LRRC40: variants seen among roughly 807,000 people sequenced by gnomAD.
LRRC40 encodes leucine-rich repeat-containing protein 40.
LRRC40 carries 76 observed loss-of-function variants against 72.8 expected under a neutral mutation model. The ratio of observed to expected loss-of-function variants is 1.04; its 90% CI spans 0.87 to 1.26. The LOEUF (loss-of-function observed/expected upper bound fraction) is 1.26, where lower values mean the gene tolerates loss of function less well. LRRC40 is among the 50% of genes most tolerant of loss of function. The pLI is 0.00. For missense variants in LRRC40, 684 were observed against 698.9 expected (o/e 0.98, Z 0.24); for synonymous variants, 243 against 254.2 (o/e 0.96, Z 0.42).
At chr1:70,204,620 G>T (rs74088012) in intron 1 of LRRC40, among the ~76,000 whole-genome samples, 1 of 152,000 alleles carries the variant, frequency 6.6e-6, no homozygotes, top group Admixed American at 6.6e-5. Context: ...GCAATCATTA[G>T]AAGGAAAATG....
intron 1 of LRRC40, among the ~76,000 whole-genome samples, chr1:70,192,348 C>G (rs1034150240): frequency 1.3e-5 from 2 of 151,778 alleles, no homozygotes; most frequent in African/African-American, 4.8e-5. Context: ...AAAAGGGAAC[C>G]CTTAAACACT....
At chr1:70,198,913 G>T (rs752216992) in intron 1 of LRRC40, among the ~76,000 whole-genome samples, 2 of 152,130 alleles carry the variant, frequency 1.3e-5, no homozygotes, top group African/African-American at 2.4e-5. Context: ...CACTTTGGGA[G>T]GGTGAGTTGG....
At chr1:70,164,833 AAAC>A (rs1667844862) in intron 9 of LRRC40, among the ~76,000 whole-genome samples, 1 of 152,256 alleles carries the variant, frequency 6.6e-6, no homozygotes, top group Admixed American at 6.5e-5. Flanking sequence ...TAAACAATAA[AAAC>A]AAATTTTTAA....
chr1:70,202,371 G>C (rs1668761381), intron 1 of LRRC40, among the ~76,000 whole-genome samples: 1 of 151,952 alleles, frequency 6.6e-6, no homozygotes, highest in African/African-American at 2.4e-5. Flanking sequence ...AAAAGATTAA[G>C]TCATCAAAAA....
chr1:70,184,412 T>A (rs150146489), intron 4 of LRRC40, among the ~76,000 whole-genome samples: 1 of 152,054 alleles, frequency 6.6e-6, no homozygotes, highest in Admixed American at 6.5e-5. Context: ...ACCTGGACAT[T>A]TGGAAGGCAG....
chr1:70,154,379 G>A (rs1304155562), intron 11 of LRRC40, among the ~76,000 whole-genome samples: 2 of 152,118 alleles, frequency 1.3e-5, no homozygotes, highest in East Asian at 3.9e-4. Context: ...ATAAAATGAG[G>A]CAGTAAATAA....
In LRRC40 at chr1:70,145,890, A is replaced by C. The variant is rs765466801; in HGVS notation, c.1719T>G (p.Asp573Glu). ...CTCGAGGAACTCGGAATGGATTTCC[A>C]TCCAGTAGTAATGTTCTAAACAAAA... ...NCVNLRTLLL[D>E]GNPFRVPRAA... is the part of the protein sequence containing the mutation. Residue 573 changes from aspartate to glutamate, a missense_variant, in exon 15 of 15, where the codon GAT (aspartate) becomes GAG (glutamate). Physicochemically the swap from Asp to Glu is conservative, Grantham distance 45. Transcript: ENST00000370952. 2.5e-6 allele frequency: 4 copies of C among 1,580,334 alleles called. No individual in the cohort carries two copies. Among genetic ancestry groups the C allele is most frequent in the Middle Eastern group, 1.7e-4 (1 of 5,988 alleles).
chr1:70,151,656 T>C (rs1334533335), intron 12 of LRRC40: 3 of 152,556 alleles, frequency 2.0e-5, no homozygotes, highest in African/African-American at 7.2e-5. Context: ...ATTAAGAGAT[T>C]TGGAGTTTTC....
chr1:70,179,888 AT>A (rs1265738407), intron 5 of LRRC40, among the ~76,000 whole-genome samples: 1 of 152,188 alleles, frequency 6.6e-6, no homozygotes, highest in Non-Finnish European at 1.5e-5. Context: ...GATTTAACTT[AT>A]TTTAAAACTC....
chr1:70,187,673 A>T (rs1203579546), intron 2 of LRRC40, among the ~76,000 whole-genome samples: 1 of 151,910 alleles, frequency 6.6e-6, no homozygotes, highest in Non-Finnish European at 1.5e-5. Context: ...AAAAAAAAAA[A>T]AATTCTTATT....
At chr1:70,149,524 T>G (rs1667411792) in intron 13 of LRRC40, among the ~76,000 whole-genome samples, 1 of 152,096 alleles carries the variant, frequency 6.6e-6, no homozygotes, top group African/African-American at 2.4e-5. Context: ...AACAAGATAA[T>G]CACCTGATAA....
chr1:70,188,993 A>G, intron 2 of LRRC40, 99 bp downstream of exon 2: 1 of 984,756 alleles, frequency 1.0e-6, no homozygotes, highest in Admixed American at 2.3e-5. Context: ...CTGTCCTTGC[A>G]TTACCAACTC....
intron 11 of LRRC40, among the ~76,000 whole-genome samples, chr1:70,154,947 GC>G (rs1342160274): frequency 6.6e-6 from 1 of 152,074 alleles, no homozygotes; most frequent in African/African-American, 2.4e-5. Flanking sequence ...TATGGTATAA[GC>G]AATTGACTAT....
intron 13 of LRRC40, among the ~76,000 whole-genome samples, chr1:70,150,672 C>T (rs1482756624): frequency 6.6e-6 from 1 of 152,180 alleles, no homozygotes; most frequent in Non-Finnish European, 1.5e-5. Flanking sequence ...GCACATTGAA[C>T]TTCTTGAAGT....
At position 70,187,321 on chromosome 1, in the gene LRRC40, C is replaced by T; in HGVS notation, c.351G>A (p.Leu117=). Residue 117 remains leucine (L), a synonymous_variant, in exon 3 of 15, where the codon TTG becomes TTA. Coordinates refer to ENST00000370952, the MANE Select transcript of LRRC40 (RefSeq NM_017768.5). ...CTCTTATAGCAGAAGGAAGGGATGT[C>T]AACTGATTATCATGTATCTAAAAGT... The part of the protein sequence containing the change: ...LTVLDIHDNQ[L]TSLPSAIREL... 6.4e-7 allele frequency: 1 copy of T among 1,571,700 alleles called. No homozygotes were observed. Among genetic ancestry groups the T allele is most frequent in the South Asian group, 1.1e-5 (1 of 87,970 alleles).
chr1:70,147,074 T>A (rs1558105486), intron 14 of LRRC40: 1 of 152,148 alleles, frequency 6.6e-6, no homozygotes, highest in African/African-American at 2.4e-5. Flanking sequence ...GGTGCTATAT[T>A]TGCAAACTTG....
At chr1:70,193,043 G>A (rs930650959) in intron 1 of LRRC40, among the ~76,000 whole-genome samples, 3 of 151,918 alleles carry the variant, frequency 2.0e-5, no homozygotes, top group African/African-American at 7.3e-5. Flanking sequence ...ATCAGCACAT[G>A]TCTAGTGTTG....
At chr1:70,189,429 T>C (rs1397999790) in intron 1 of LRRC40, among the ~76,000 whole-genome samples, 156 bp from the exon 2 acceptor site, 1 of 151,922 alleles carries the variant, frequency 6.6e-6, no homozygotes, top group Non-Finnish European at 1.5e-5. Context: ...GCAATAAATA[T>C]AACTAGAGTG....
At chr1:70,151,333 T>C (rs1667484114) in intron 12 of LRRC40, 128 bp from the exon 13 acceptor site, 2 of 614,822 alleles carry the variant, frequency 3.3e-6, no homozygotes, top group African/African-American at 1.9e-5. Context: ...TCTGACTTTA[T>C]AAAGGCTGAG....
Sources: allele counts gnomAD v4.1 joint callset (sites outside exome capture counted in the v4.1 genomes callset), GRCh38; gene constraint gnomAD v4.1.1; transcripts MANE v1.5; gene names NCBI Gene and HGNC (gene_info 2026-07-23, HGNC 2026-07-21).